The following NFIC variants were observed in gnomAD, a reference collection of about 807,000 sequenced individuals.
NFIC encodes nuclear factor 1 C-type.
In NFIC, 12 loss-of-function variants were observed where a neutral mutation model predicts 54.4. That is an observed-to-expected ratio of 0.22 (90% CI 0.14 to 0.36). The LOEUF is 0.36. NFIC is among the 10% of genes least tolerant of loss of function. The probability of loss-of-function intolerance (pLI) is 1.00; values close to 1 mark genes in which losing one functional copy is unlikely to be tolerated. For synonymous variants in NFIC, 322 were observed against 319.2 expected, an observed-to-expected ratio of 1.01 and a Z score of -0.09; for missense variants, 575 against 718.2, an observed-to-expected ratio of 0.80 and a Z score of 2.28.
chr19:3,381,762 C>A lies in NFIC; in HGVS notation c.81C>A (p.Phe27Leu). 1 of 1,613,890 alleles carries A rather than the reference C, an allele frequency of 6.2e-7. No individual in the cohort carries two copies. The highest frequency in any genetic ancestry group is 8.5e-7 in the Non-Finnish European group (1 of 1,179,960). The change falls in exon 2 of 11, where the codon TTC becomes TTA. Residue 27 changes from phenylalanine (F) to leucine (L), a missense_variant. Transcript: ENST00000443272. ...IEALLPHVRA[F>L]AYTWFNLQAR... ...CCCTGCTGCCTCACGTCCGCGCCTTCGCCTACACCTGGTTCAACCTGCAGG... is the reference window on the plus strand; with the variant it reads ...CCCTGCTGCCTCACGTCCGCGCCTTAGCCTACACCTGGTTCAACCTGCAGG...
chr19:3,454,919 G>A (rs2082528726), intron 9 of NFIC, among the ~76,000 whole-genome samples: 1 of 152,070 alleles, frequency 6.6e-6, no homozygotes, highest in Non-Finnish European at 1.5e-5. Flanking sequence ...ACTGGCTGGA[G>A]GAGATCAGCC....
upstream of NFIC, among the ~76,000 whole-genome samples, chr19:3,363,597 G>A (rs1282401924): frequency 6.6e-6 from 1 of 152,114 alleles, no homozygotes; most frequent in Non-Finnish European, 1.5e-5. Context: ...GTGTGTGGGT[G>A]TGTGTGCATG....
chr19:3,449,281 G>A (rs994126564), intron 7 of NFIC, 142 bp downstream of exon 7: 58 of 1,315,864 alleles, frequency 4.4e-5, no homozygotes, highest in South Asian at 7.9e-5. Context: ...TAGAGGTGCC[G>A]TAGTGGAGAG....
rs2082670902 is a variant in NFIC at position 3,463,475 on chromosome 19, C to G, written c.*706C>G. On this transcript the variant is annotated 3_prime_UTR_variant, in exon 11 of 11. Coordinates refer to ENST00000443272, the MANE Select transcript of NFIC (RefSeq NM_001245002.2). ...GGAGGAAGTGAGGCCCAGGCACCTG[C>G]TGCCCCTCGAGGGGGCCCTGCCTGC... The G allele has an allele frequency of 1.0e-6, 1 of 985,396 alleles. No individual in the cohort carries two copies. The highest frequency in any genetic ancestry group is 1.2e-6 in the Non-Finnish European group (1 of 829,972). The allele number at this position is 985,396 out of a possible 1,614,324, so 61.0% of individuals were successfully genotyped here.
In NFIC at chr19:3,462,851, C is replaced by T. The variant is rs8047; in HGVS notation, c.*82C>T. On this transcript the variant is annotated 3_prime_UTR_variant, in exon 11 of 11. Coordinates refer to ENST00000443272, the MANE Select transcript of NFIC (RefSeq NM_001245002.2). ...ACAGCCGGCCCCCGGCCCACGTTTTCGGTGGAAAATTAGAGTGAACAAGAA... is the reference window on the plus strand; with the variant it reads ...ACAGCCGGCCCCCGGCCCACGTTTTTGGTGGAAAATTAGAGTGAACAAGAA... 0.11 allele frequency: 171,423 copies of T among 1,607,488 alleles called. 11,350 individuals are homozygous for T. Among genetic ancestry groups the T allele is most frequent in the South Asian group, 0.28 (25,656 of 90,368 alleles).
chr19:3,397,213 G>A (rs2081478886), intron 2 of NFIC, among the ~76,000 whole-genome samples: 1 of 152,210 alleles, frequency 6.6e-6, no homozygotes, highest in Non-Finnish European at 1.5e-5. Flanking sequence ...GAGGCCTAGA[G>A]AGGCAAAGTC....
rs1285144080 is a variant in NFIC at position 3,469,172 on chromosome 19, AAAG to A, written c.*6406_*6408del. 1.2e-4 allele frequency: 19 copies of A among 152,252 alleles called. No homozygotes were observed. Among genetic ancestry groups the A allele is most frequent in the Admixed American group, 1.2e-3 (19 of 15,282 alleles). 9.4% of individuals were successfully genotyped at this position (152,252 alleles called of 1,614,324 possible). A position where few individuals can be genotyped will look rare whatever the true frequency, so the allele number is the denominator to read the frequency against. Reference sequence around the variant, plus strand: ...AAAAGACAAACAAAAAAAAAAGAAAAAAGAAAAAAATGTATAAAAATTAAACAA... The same window carrying A: ...AAAAGACAAACAAAAAAAAAAGAAAAAAAAAAATGTATAAAAATTAAACAA... On this transcript the variant is annotated 3_prime_UTR_variant, in exon 11 of 11. Transcript: ENST00000443272.
intron 2 of NFIC, among the ~76,000 whole-genome samples, chr19:3,420,142 G>A (rs995754344): frequency 1.3e-5 from 2 of 151,986 alleles, no homozygotes; most frequent in Non-Finnish European, 2.9e-5. Context: ...GCAGCATCGC[G>A]AAAACCCGTA....
At chr19:3,376,590 C>T (rs1168621646) in intron 1 of NFIC, among the ~76,000 whole-genome samples, 1 of 151,964 alleles carries the variant, frequency 6.6e-6, no homozygotes, top group African/African-American at 2.4e-5. Context: ...AAAAATTAGC[C>T]AGACATGGTG....
Position 3,381,751 on chromosome 19 carries a change from G to C in NFIC, c.70G>C (p.Val24Leu). The change falls in exon 2 of 11, where the codon GTC (valine) becomes CTC (leucine). Residue 24 changes from valine (V) to leucine (L), a missense_variant. Transcript: ENST00000443272. ...GTTCATCGAGGCCCTGCTGCCTCAC[G>C]TCCGCGCCTTCGCCTACACCTGGTT... is the stretch of plus-strand genomic sequence containing the variant. ...HPFIEALLPHVRAFAYTWFNL... is the reference protein window; with the variant it reads ...HPFIEALLPHLRAFAYTWFNL... The C allele has an allele frequency of 6.2e-7, 1 of 1,613,872 alleles. No homozygotes were observed. Among genetic ancestry groups the C allele is most frequent in the Non-Finnish European group, 8.5e-7 (1 of 1,179,960 alleles).
At position 3,463,810 on chromosome 19, in the gene NFIC, G is replaced by A. The variant is rs1395492258; in HGVS notation, c.*1041G>A. Reference sequence around the variant, plus strand: ...TGGAGCGCCCCCGTCAGCCCCTGGCGGTGGGAGGTGAGAGCGAGTGGTTTA... The same window carrying A: ...TGGAGCGCCCCCGTCAGCCCCTGGCAGTGGGAGGTGAGAGCGAGTGGTTTA... On this transcript the variant is annotated 3_prime_UTR_variant, in exon 11 of 11. Coordinates refer to ENST00000443272, the MANE Select transcript of NFIC (RefSeq NM_001245002.2). The A allele has an allele frequency of 2.0e-6, 2 of 985,250 alleles. No homozygotes were observed. Among genetic ancestry groups the A allele is most frequent in the South Asian group, 4.7e-5 (1 of 21,284 alleles). 61.0% of individuals were successfully genotyped at this position (985,250 alleles called of 1,614,324 possible). A position where few individuals can be genotyped will look rare whatever the true frequency, so the allele number is the denominator to read the frequency against.
chr19:3,393,680 T>C (rs2081411386), intron 2 of NFIC, among the ~76,000 whole-genome samples: 1 of 151,326 alleles, frequency 6.6e-6, no homozygotes, highest in Non-Finnish European at 1.5e-5. Flanking sequence ...CCGGGCGTGG[T>C]GGCGCGAACC....
chr19:3,435,355 GC>G, intron 6 of NFIC, 148 bp downstream of exon 6: 1 of 1,191,846 alleles, frequency 8.4e-7, no homozygotes, highest in Non-Finnish European at 1.1e-6. Context: ...GTCGTCCCGA[GC>G]TGCGCTTGGC....
chr19:3,440,278 AGGAGCACCC>A (rs2082272857), intron 6 of NFIC, among the ~76,000 whole-genome samples: 1 of 152,040 alleles, frequency 6.6e-6, no homozygotes, highest in African/African-American at 2.4e-5. Context: ...ACTCCGTGTC[AGGAGCACCC>A]CCCAGTGGTG....
intron 6 of NFIC, among the ~76,000 whole-genome samples, chr19:3,443,438 AAAAG>A (rs891055395): frequency 4.0e-5 from 6 of 151,866 alleles, no homozygotes; most frequent in Non-Finnish European, 5.9e-5. Flanking sequence ...AAAAAAAAGA[AAAAG>A]AAAAAAGTCT....
intron 2 of NFIC, among the ~76,000 whole-genome samples, chr19:3,420,556 A>AAAAAAAATAAATAAATAAAT (rs1555751892): frequency 1.4e-5 from 2 of 142,680 alleles, no homozygotes; most frequent in African/African-American, 2.6e-5. Flanking sequence ...CCATCTCAAA[A>AAAAAAAATAAATAAATAAAT]AAATAAATAA....
chr19:3,400,714 C>T (rs560373623), intron 2 of NFIC, among the ~76,000 whole-genome samples: 37 of 151,646 alleles, frequency 2.4e-4, no homozygotes, highest in Admixed American at 5.3e-4. Flanking sequence ...TAGCGGTATG[C>T]GCCTGTAATC....
At chr19:3,445,507 C>T (rs571455955) in intron 6 of NFIC, among the ~76,000 whole-genome samples, 6 of 152,284 alleles carry the variant, frequency 3.9e-5, no homozygotes, top group Middle Eastern at 3.4e-3. Flanking sequence ...CCTGGGTGCC[C>T]GCCTCCTCCA....
intron 3 of NFIC, among the ~76,000 whole-genome samples, chr19:3,426,354 T>C (rs1015568634): frequency 6.6e-6 from 1 of 152,060 alleles, no homozygotes; most frequent in Non-Finnish European, 1.5e-5. Context: ...GCTGGGATCA[T>C]AGGTGTGAGC....
Sources: gnomAD v4.1 joint callset for allele counts (sites outside exome capture counted in the v4.1 genomes callset) on GRCh38, gnomAD v4.1.1 for gene constraint, MANE v1.5 for transcripts, NCBI Gene and HGNC (gene_info 2026-07-23, HGNC 2026-07-21) for gene names.